The following VPS45 variants were observed in gnomAD, a reference collection of about 807,000 sequenced individuals.
The protein encoded by VPS45 is vacuolar protein sorting-associated protein 45.
VPS45 carries 35 observed loss-of-function variants against 75.9 expected under a neutral mutation model. The ratio of observed to expected loss-of-function variants is 0.46; its 90% confidence interval spans 0.35 to 0.61. The LOEUF is 0.61. VPS45 is among the 20% of genes least tolerant of loss of function. The pLI, the probability that VPS45 is intolerant of heterozygous loss-of-function variation, is 0.00. For missense variants in VPS45, 559 were observed against 685.9 expected (o/e 0.81, Z 2.07); for synonymous variants, 220 against 238.2 (o/e 0.92, Z 0.70).
rs372115161 is a variant in VPS45, at chr1:150,144,895, T to A, written c.*99T>A. 326 of 1,576,908 alleles carry A rather than the reference T, an allele frequency of 2.1e-4. 3 individuals are homozygous for A. In the South Asian group the frequency reaches 3.5e-3, roughly 17 times the overall value. ...TGGAGAGCAGCTTTGGGTTCTGTGCTGGTTGTTAGAACTCATCTCCAGGTA... is the reference window on the plus strand; with the variant it reads ...TGGAGAGCAGCTTTGGGTTCTGTGCAGGTTGTTAGAACTCATCTCCAGGTA... On this transcript the variant is annotated 3_prime_UTR_variant, in exon 15 of 15. Coordinates refer to ENST00000644510, the MANE Select transcript of VPS45 (RefSeq NM_007259.5).
intron 14 of VPS45, among the ~76,000 whole-genome samples, chr1:150,127,221 G>C (rs1658564159): frequency 6.6e-6 from 1 of 151,906 alleles, no homozygotes; most frequent in African/African-American, 2.4e-5. Context: ...AATTTTACCT[G>C]TTTCATTTTA....
chr1:150,081,397 A>T lies in VPS45; in HGVS notation c.743A>T (p.Asp248Val). 1 of 1,609,188 alleles carries T rather than the reference A, an allele frequency of 6.2e-7. No individual in the cohort carries two copies. The highest frequency in any genetic ancestry group is 2.2e-5 in the East Asian group (1 of 44,472). Reference protein sequence around the residue: ...ELLGINNNRIDLSRVPGISKD... With the variant: ...ELLGINNNRIVLSRVPGISKD... Reference sequence around the variant, plus strand: ...CTAGGCATAAACAACAATCGGATTGATCTTTCCAGAGTGCCGGGAATCAGT... The same window carrying T: ...CTAGGCATAAACAACAATCGGATTGTTCTTTCCAGAGTGCCGGGAATCAGT... The change falls in exon 8 of 15, where the codon GAT (aspartate) becomes GTT (valine). Residue 248 changes from aspartate (D) to valine (V), a missense_variant. Coordinates refer to ENST00000644510, the MANE Select transcript of VPS45 (RefSeq NM_007259.5).
chr1:150,115,408 A>T (rs1657877310), intron 14 of VPS45, among the ~76,000 whole-genome samples: 2 of 152,102 alleles, frequency 1.3e-5, no homozygotes, highest in Admixed American at 1.3e-4. Flanking sequence ...TGTTTTTGTT[A>T]GTATCCTCTT....
At chr1:150,123,571 C>T (rs1658349543) in intron 14 of VPS45, among the ~76,000 whole-genome samples, 1 of 152,184 alleles carries the variant, frequency 6.6e-6, no homozygotes, top group Non-Finnish European at 1.5e-5. Context: ...ATGATCCTAC[C>T]TTGCAAATAA....
chr1:150,068,045 A>C, intron 1 of VPS45, 95 bp downstream of exon 1: 2 of 1,276,966 alleles, frequency 1.6e-6, no homozygotes, highest in Non-Finnish European at 2.2e-6. Flanking sequence ...TTAATTAAAC[A>C]TACGAAAATG....
chr1:150,074,484 G>A (rs1655257894), intron 3 of VPS45, among the ~76,000 whole-genome samples: 1 of 152,130 alleles, frequency 6.6e-6, no homozygotes, highest in African/African-American at 2.4e-5. Flanking sequence ...GGACATATGA[G>A]TTATTTCCAG....
intron 14 of VPS45, among the ~76,000 whole-genome samples, chr1:150,124,125 A>G (rs587634444): frequency 2.0e-5 from 3 of 152,276 alleles, no homozygotes; most frequent in African/African-American, 7.2e-5. Context: ...AGGTAAAGGA[A>G]AGTAGGCATT....
At position 150,092,091 on chromosome 1, in the gene VPS45, G is replaced by T; in HGVS notation, c.1259G>T (p.Arg420Leu). Reference protein sequence around the residue: ...LRNKGVSEKYRKLVSAVVEYG... With the variant: ...LRNKGVSEKYLKLVSAVVEYG... ...AATAAAGGTGTTTCTGAGAAGTATC[G>T]AAAGGTAACCAGTTTCCATATTAGC... The change falls in exon 11 of 15, where the codon CGA (arginine) becomes CTA (leucine). Residue 420 changes from arginine (R) to leucine (L), a missense_variant. Transcript: ENST00000644510. The T allele has an allele frequency of 1.9e-6, 3 of 1,612,778 alleles. No homozygotes were observed. Among genetic ancestry groups the T allele is most frequent in the Non-Finnish European group, 2.5e-6 (3 of 1,179,356 alleles).
intron 14 of VPS45, among the ~76,000 whole-genome samples, chr1:150,130,198 C>CTTT (rs34302545): frequency 0.17 from 14,849 of 86,250 alleles, 2,784 homozygotes; most frequent in African/African-American, 0.3. Context: ...CACACACACA[C>CTTT]TTTTTTTTTT....
intron 14 of VPS45, among the ~76,000 whole-genome samples, chr1:150,112,674 A>C (rs781821482): frequency 1.3e-5 from 2 of 152,156 alleles, no homozygotes; most frequent in Non-Finnish European, 2.9e-5. Flanking sequence ...ATCTCATCTC[A>C]AAGTTAAAAG....
intron 1 of VPS45, chr1:150,068,151 T>A: frequency 1.8e-6 from 1 of 550,374 alleles, no homozygotes; most frequent in Non-Finnish European, 3.2e-6. Flanking sequence ...AGAGACTACT[T>A]CTACCCGGAA....
chr1:150,089,385 G>T (rs1310862062), intron 10 of VPS45, among the ~76,000 whole-genome samples: 3 of 151,816 alleles, frequency 2.0e-5, no homozygotes, highest in African/African-American at 4.8e-5. Context: ...ATTTGAGACA[G>T]TTTCACTCTG....
At chr1:150,113,192 G>A (rs1553807567) in intron 14 of VPS45, among the ~76,000 whole-genome samples, 13 of 151,978 alleles carry the variant, frequency 8.6e-5, no homozygotes, top group Non-Finnish European at 1.9e-4. Flanking sequence ...CCCTCATCCT[G>A]AAGCTATCTA....
chr1:150,068,973 T>C lies in VPS45; in HGVS notation c.228+209T>C, dbSNP rs1208582592. On this transcript the variant is annotated intron_variant, in intron 2 of 14. Coordinates refer to ENST00000644510, the MANE Select transcript of VPS45 (RefSeq NM_007259.5). ...CCAGTTCTTCCTTCAAGATGTTTTT[T>C]AGGTTCACAGCCATTCCCATTGCCA... 3.4e-5 allele frequency: 18 copies of C among 529,890 alleles called. No individual in the cohort carries two copies. The African/African-American group carries it at 3.5e-4, about 10-fold the overall frequency. The allele number at this position is 529,890 out of a possible 1,614,324, so 32.8% of individuals were successfully genotyped here.
intron 14 of VPS45, among the ~76,000 whole-genome samples, chr1:150,136,117 T>C (rs763045905): frequency 9.3e-5 from 14 of 150,196 alleles, no homozygotes; most frequent in Non-Finnish European, 1.8e-4. Flanking sequence ...GGCATGGTGG[T>C]GCATGCCTGT....
chr1:150,096,605 A>G (rs587711501), intron 13 of VPS45, among the ~76,000 whole-genome samples: 2 of 152,304 alleles, frequency 1.3e-5, no homozygotes, highest in South Asian at 2.1e-4. Flanking sequence ...AAGGAGGACA[A>G]ATAAGCCAGA....
chr1:150,105,152 A>G (rs72694923), intron 13 of VPS45, among the ~76,000 whole-genome samples: 16,107 of 152,226 alleles, frequency 0.11, 1,200 homozygotes, highest in Non-Finnish European at 0.17. Flanking sequence ...ATATATGACA[A>G]ACCCACAGCT....
rs183477936 is a variant in VPS45 at position 150,086,426 on chromosome 1, A to T, written c.1104+3543A>T. ...TTTAATTTTCTTAATGGCATCCAAG[A>T]CATGTTTTTTAGTTCAGTGATAGCC... On this transcript the variant is annotated intron_variant, in intron 10 of 14. Transcript: ENST00000644510. Among the ~76,000 whole-genome samples the T allele has an allele frequency of 9.9e-4, 150 of 152,232 alleles. 1 individual carries two copies. The highest frequency in any genetic ancestry group is 7.6e-3 in the Admixed American group (116 of 15,280).
At chr1:150,092,229 A>T in intron 11 of VPS45, 73 bp from the exon 12 acceptor site, 1 of 1,538,778 alleles carries the variant, frequency 6.5e-7, no homozygotes, top group South Asian at 1.2e-5. Flanking sequence ...TTGTTTCCTT[A>T]ATAAAATTAT....
Sources: allele counts gnomAD v4.1 joint callset (sites outside exome capture counted in the v4.1 genomes callset), GRCh38; gene constraint gnomAD v4.1.1; transcripts MANE v1.5; gene names NCBI Gene and HGNC (gene_info 2026-07-23, HGNC 2026-07-21).